EFHD1: variants seen among roughly 807,000 people sequenced by gnomAD.
The protein encoded by EFHD1 is EF-hand domain family member D1.
EFHD1 carries 10 observed loss-of-function variants against 17.2 expected under a neutral mutation model. The observed-to-expected ratio is 0.58, with a 90% confidence interval of 0.36 to 0.99. EFHD1 has a LOEUF of 0.99. Among genes scored for constraint, EFHD1 ranks in the 50% least tolerant of loss-of-function variants. The pLI is 0.01. For synonymous variants in EFHD1, 153 were observed against 142.0 expected (o/e 1.08, Z -0.55); for missense variants, 310 against 327.5 (o/e 0.95, Z 0.41).
chr2:232,680,820 G>C (rs1695266751), intron 3 of EFHD1, among the ~76,000 whole-genome samples: 1 of 151,374 alleles, frequency 6.6e-6, no homozygotes, highest in African/African-American at 2.4e-5. Context: ...AGGGAGAAAT[G>C]TATTTTAAAG....
intron 1 of EFHD1, among the ~76,000 whole-genome samples, chr2:232,607,383 T>A (rs1574694692): frequency 6.9e-6 from 1 of 145,110 alleles, no homozygotes; most frequent in Non-Finnish European, 1.5e-5. Context: ...AGGTCAGGAG[T>A]TCAAGACCAG....
chr2:232,613,743 TAC>T (rs1225381117), intron 1 of EFHD1, among the ~76,000 whole-genome samples: 6 of 132,058 alleles, frequency 4.5e-5, no homozygotes, highest in Admixed American at 7.4e-5. Flanking sequence ...CGCACACACA[TAC>T]ACACACAAAT....
intron 1 of EFHD1, among the ~76,000 whole-genome samples, chr2:232,657,359 T>A (rs573163539): frequency 6.6e-6 from 1 of 152,344 alleles, no homozygotes; most frequent in African/African-American, 2.4e-5. Flanking sequence ...TGGCACAATG[T>A]CTTCAAGGTT....
At chr2:232,630,642 C>A (rs1694184718), upstream of EFHD1, among the ~76,000 whole-genome samples, 1 of 151,750 alleles carries the variant, frequency 6.6e-6, no homozygotes, top group African/African-American at 2.4e-5. Flanking sequence ...CAATCCACTC[C>A]CATTAATTTC....
chr2:232,649,281 G>A (rs1694592328), intron 1 of EFHD1, among the ~76,000 whole-genome samples: 1 of 152,190 alleles, frequency 6.6e-6, no homozygotes, highest in African/African-American at 2.4e-5. Context: ...CCCAGGCAGT[G>A]GGCACGCACA....
At chr2:232,658,544 T>C (rs975299154) in intron 1 of EFHD1, among the ~76,000 whole-genome samples, 4 of 152,160 alleles carry the variant, frequency 2.6e-5, no homozygotes, top group African/African-American at 4.8e-5. Flanking sequence ...TGGAAATATA[T>C]GTCCAAACAC....
At chr2:232,659,726 A>G (rs1559351873) in intron 1 of EFHD1, among the ~76,000 whole-genome samples, 1 of 150,814 alleles carries the variant, frequency 6.6e-6, no homozygotes, top group Non-Finnish European at 1.5e-5. Flanking sequence ...ACAGCAATAA[A>G]GAAAAACCTG....
At chr2:232,621,073 A>C (rs1694009501) in intron 1 of EFHD1, among the ~76,000 whole-genome samples, 1 of 152,210 alleles carries the variant, frequency 6.6e-6, no homozygotes, top group Admixed American at 6.5e-5. Flanking sequence ...GTTTTCCAAA[A>C]GTCAAATGGA....
At chr2:232,640,761 C>T (rs781750086) in intron 1 of EFHD1, among the ~76,000 whole-genome samples, 2 of 152,130 alleles carry the variant, frequency 1.3e-5, no homozygotes, top group Non-Finnish European at 2.9e-5. Context: ...GTTGGGGACA[C>T]TCTGACCTCA....
At chr2:232,679,559 T>G (rs1373837807) in intron 3 of EFHD1, among the ~76,000 whole-genome samples, 1 of 150,534 alleles carries the variant, frequency 6.6e-6, no homozygotes, top group African/African-American at 2.4e-5. Flanking sequence ...TACAAAAAAT[T>G]GAAAAAATTA....
Position 232,633,965 on chromosome 2 carries a change from C to T in EFHD1, c.261C>T (p.Phe87=). 1 of 1,597,560 alleles carries T rather than the reference C, an allele frequency of 6.3e-7. No homozygotes were observed. The highest frequency in any genetic ancestry group is 8.5e-7 in the Non-Finnish European group (1 of 1,179,196). Residue 87 remains phenylalanine (F), a synonymous_variant, in exon 1 of 4, where the codon TTC becomes TTT. Transcript: ENST00000264059. ...ACCCCTACACGGAGTTCCCGGAGTT[C>T]AGCCGCCGCCTCATCAAGGACCTGG... ...VFNPYTEFPE[F]SRRLIKDLES...
chr2:232,653,575 C>G (rs1018303427), intron 1 of EFHD1, among the ~76,000 whole-genome samples: 1 of 152,220 alleles, frequency 6.6e-6, no homozygotes, highest in Non-Finnish European at 1.5e-5. Context: ...CGGGCATGAG[C>G]CACCGCTCCC....
At chr2:232,642,774 C>A (rs1333580311) in intron 1 of EFHD1, among the ~76,000 whole-genome samples, 1 of 151,652 alleles carries the variant, frequency 6.6e-6, no homozygotes, top group African/African-American at 2.4e-5. Context: ...GGGTCACCTC[C>A]AGCTGTTCCC....
At chr2:232,624,435 C>T (rs1241084614) in intron 1 of EFHD1, among the ~76,000 whole-genome samples, 1 of 152,242 alleles carries the variant, frequency 6.6e-6, no homozygotes, top group Non-Finnish European at 1.5e-5. Flanking sequence ...CTCCCCTATT[C>T]TTGATGCCTG....
At chr2:232,635,830 A>C (rs917790212) in intron 1 of EFHD1, among the ~76,000 whole-genome samples, 1 of 152,108 alleles carries the variant, frequency 6.6e-6, no homozygotes, top group Non-Finnish European at 1.5e-5. Flanking sequence ...AGGGGAAAAA[A>C]AAAAAGCCAA....
chr2:232,644,406 G>A (rs1694488410), intron 1 of EFHD1, among the ~76,000 whole-genome samples: 1 of 152,124 alleles, frequency 6.6e-6, no homozygotes, highest in Admixed American at 6.6e-5. Context: ...TGGCTCCTGG[G>A]CTTCTGTGGC....
intron 3 of EFHD1, among the ~76,000 whole-genome samples, chr2:232,678,152 G>C (rs57258878): frequency 6.6e-6 from 1 of 151,716 alleles, no homozygotes; most frequent in East Asian, 2.0e-4. Context: ...GCGTGGTGGC[G>C]TGTACCTGTC....
At chr2:232,608,876 G>A (rs1693764202) in intron 1 of EFHD1, among the ~76,000 whole-genome samples, 1 of 151,950 alleles carries the variant, frequency 6.6e-6, no homozygotes, top group Non-Finnish European at 1.5e-5. Context: ...GTTACAGTAA[G>A]CCGGGATCGC....
intron 1 of EFHD1, among the ~76,000 whole-genome samples, chr2:232,622,325 C>T (rs1460203287): frequency 6.6e-6 from 1 of 152,166 alleles, no homozygotes. Flanking sequence ...AAAAATTAGC[C>T]AGGCATGGTG....
Sources: allele counts gnomAD v4.1 joint callset (sites outside exome capture counted in the v4.1 genomes callset), GRCh38; gene constraint gnomAD v4.1.1; transcripts MANE v1.5; gene names NCBI Gene and HGNC (gene_info 2026-07-23, HGNC 2026-07-21).